Variants in BICC1 observed in about 807,000 individuals in gnomAD.
The protein encoded by BICC1 is BicC family RNA binding protein 1.
Under a neutral mutation model 111.0 loss-of-function variants are expected in BICC1, and 43 were observed. The ratio of observed to expected loss-of-function variants is 0.39; its 90% CI spans 0.30 to 0.50. The LOEUF (loss-of-function observed/expected upper bound fraction) is 0.50, where lower values mean the gene tolerates loss of function less well. BICC1 is among the 20% of genes least tolerant of loss of function. The pLI is 0.88. For missense variants in BICC1, 1,091 were observed against 1,203.2 expected, an observed-to-expected ratio of 0.91 and a Z score of 1.38; for synonymous variants, 467 against 434.4, an observed-to-expected ratio of 1.07 and a Z score of -0.93.
At chr10:58,545,534 A>C (rs976050215) in intron 1 of BICC1, among the ~76,000 whole-genome samples, 2 of 152,202 alleles carry the variant, frequency 1.3e-5, no homozygotes, top group African/African-American at 2.4e-5. Flanking sequence ...TTGGAAAGTC[A>C]GAATCAGAAC....
At chr10:58,517,074 C>T (rs1453073440) in intron 1 of BICC1, among the ~76,000 whole-genome samples, 1 of 152,028 alleles carries the variant, frequency 6.6e-6, no homozygotes. Flanking sequence ...TAACACAGCA[C>T]TTCAAATTAT....
chr10:58,543,482 A>G (rs1358042153), intron 1 of BICC1, among the ~76,000 whole-genome samples: 1 of 152,030 alleles, frequency 6.6e-6, no homozygotes, highest in Non-Finnish European at 1.5e-5. Flanking sequence ...ACACTGAAAA[A>G]TGGTTAAAAT....
intron 3 of BICC1, chr10:58,715,921 G>A (rs1840725389): frequency 7.7e-7 from 1 of 1,292,636 alleles, no homozygotes; most frequent in Non-Finnish European, 1.1e-6. Context: ...TTCTGAAGAT[G>A]AGGATAAGAA....
rs935155103 is a variant in BICC1 at position 58,830,365 on chromosome 10, T to C, written c.*1474T>C. ...ATTAATTTGTTAGAAAACTTTCCCATAGGAAATGTTGTCAAGTTACCTGTA... is the reference window on the plus strand; with the variant it reads ...ATTAATTTGTTAGAAAACTTTCCCACAGGAAATGTTGTCAAGTTACCTGTA... On this transcript the variant is annotated 3_prime_UTR_variant, in exon 21 of 21. Transcript: ENST00000373886. 1 of 152,140 alleles carries C rather than the reference T, an allele frequency of 6.6e-6. No individual in the cohort carries two copies. The highest frequency in any genetic ancestry group is 2.4e-5 in the African/African-American group (1 of 41,454). 9.4% of individuals were successfully genotyped at this position (152,140 alleles called of 1,614,324 possible).
At position 58,743,029 on chromosome 10, in the gene BICC1, A is replaced by C. The variant is rs1841718980; in HGVS notation, c.307+40886A>C. The stretch of plus-strand genomic sequence containing the variant: ...TGAATAAAATAGTTAATGTAAATTC[A>C]TAAGTCATTTTTGCCAGGTGGCAAT... On this transcript the variant is annotated intron_variant, in intron 3 of 20. Coordinates refer to ENST00000373886, the MANE Select transcript of BICC1 (RefSeq NM_001080512.3). Among the ~76,000 whole-genome samples, 4 of 152,184 alleles carry C rather than the reference A, an allele frequency of 2.6e-5. No individual in the cohort carries two copies. The South Asian group carries it at 8.3e-4, about 32-fold the overall frequency.
At chr10:58,521,768 G>GTTTT (rs573116230) in intron 1 of BICC1, among the ~76,000 whole-genome samples, 5 of 112,802 alleles carry the variant, frequency 4.4e-5, no homozygotes, top group Non-Finnish European at 9.5e-5. Flanking sequence ...GGAATGTGGT[G>GTTTT]TTTTTTTTTT....
At chr10:58,776,303 G>T (rs1167013872) in intron 3 of BICC1, among the ~76,000 whole-genome samples, 4 of 152,176 alleles carry the variant, frequency 2.6e-5, no homozygotes, top group African/African-American at 9.7e-5. Flanking sequence ...TTCACGAAGA[G>T]TCCCAGCTGT....
In BICC1 at chr10:58,789,362, C is replaced by T. The variant is rs772959946; in HGVS notation, c.701C>T (p.Thr234Met). 2.2e-5 allele frequency: 35 copies of T among 1,613,816 alleles called. No homozygotes were observed. The Admixed American group carries it at 2.7e-4, about 12-fold the overall frequency. Residue 234 changes from threonine to methionine, a missense_variant, in exon 7 of 21, where the codon ACG (threonine) becomes ATG (methionine). Thr to Met is a moderately conservative substitution (Grantham distance 81, BLOSUM62 -1). This residue lies in a region of BICC1 where 843 missense variants were observed against 900.8 expected (regional missense o/e 0.94). Transcript: ENST00000373886. ...NSPSIQHISQ[T>M]YNISVSFKQR... ...CCCTCTATTCAGCATATATCACAAA[C>T]GTACAATATTTCAGTATCATTTAAA...
intron 2 of BICC1, among the ~76,000 whole-genome samples, chr10:58,626,170 C>T (rs1837617650): frequency 6.6e-6 from 1 of 152,146 alleles, no homozygotes; most frequent in African/African-American, 2.4e-5. Context: ...TGAAGGTTCA[C>T]TGAGAAAGCT....
intron 20 of BICC1, among the ~76,000 whole-genome samples, chr10:58,822,023 G>T (rs1447443249): frequency 6.6e-6 from 1 of 152,046 alleles, no homozygotes; most frequent in African/African-American, 2.4e-5. Context: ...TTTAAAATTT[G>T]TTTTCTGTAA....
upstream of BICC1, among the ~76,000 whole-genome samples, chr10:58,512,829 C>T (rs1221032673): frequency 6.7e-6 from 1 of 149,474 alleles, no homozygotes; most frequent in Admixed American, 6.7e-5. Context: ...GGGGAGGGGG[C>T]GCCGAGCCCT....
chr10:58,557,726 A>G (rs745340151), intron 1 of BICC1, among the ~76,000 whole-genome samples: 16 of 151,910 alleles, frequency 1.1e-4, no homozygotes, highest in Non-Finnish European at 2.1e-4. Context: ...ATATCTTAAC[A>G]CTTTTCAAAT....
intron 2 of BICC1, among the ~76,000 whole-genome samples, chr10:58,670,308 T>G (rs1839144828): frequency 6.6e-6 from 1 of 152,102 alleles, no homozygotes; most frequent in South Asian, 2.1e-4. Context: ...GGGTGGTTGT[T>G]GTTAAACATT....
At chr10:58,627,460 C>T (rs542268208) in intron 2 of BICC1, among the ~76,000 whole-genome samples, 3 of 152,270 alleles carry the variant, frequency 2.0e-5, no homozygotes, top group African/African-American at 4.8e-5. Context: ...CTGTACTTGT[C>T]GGCATTTCCC....
At chr10:58,749,688 A>G (rs966221723) in intron 3 of BICC1, among the ~76,000 whole-genome samples, 2 of 152,162 alleles carry the variant, frequency 1.3e-5, no homozygotes, top group Non-Finnish European at 2.9e-5. Context: ...ACAAAGATGC[A>G]TAAGATAAAA....
intron 3 of BICC1, among the ~76,000 whole-genome samples, chr10:58,727,393 C>T (rs1175708356): frequency 6.6e-6 from 1 of 151,978 alleles, no homozygotes; most frequent in Admixed American, 6.6e-5. Context: ...TCGAGACCAG[C>T]CTGTGTACCA....
chr10:58,667,262 G>A (rs894538189), intron 2 of BICC1, among the ~76,000 whole-genome samples: 1 of 150,964 alleles, frequency 6.6e-6, no homozygotes. Context: ...TGTAAGTTTA[G>A]ATATACAATT....
chr10:58,593,982 A>G (rs896437769), intron 1 of BICC1, among the ~76,000 whole-genome samples: 1 of 152,000 alleles, frequency 6.6e-6, no homozygotes, highest in Non-Finnish European at 1.5e-5. Flanking sequence ...CCTTTAAAAA[A>G]GGTGAGACGA....
chr10:58,549,153 T>G (rs1843222096), intron 1 of BICC1, among the ~76,000 whole-genome samples: 1 of 152,052 alleles, frequency 6.6e-6, no homozygotes, highest in South Asian at 2.1e-4. Context: ...GCCAGTTTTT[T>G]TTTTTCTCCT....
Sources: allele counts gnomAD v4.1 joint callset (sites outside exome capture counted in the v4.1 genomes callset), GRCh38; gene constraint gnomAD v4.1.1; regional missense constraint gnomAD v4.1.1; transcripts MANE v1.5; gene names NCBI Gene and HGNC (gene_info 2026-07-23, HGNC 2026-07-21).